ARSB: variants seen among roughly 807,000 people sequenced by gnomAD.
ARSB encodes N-acetylgalactosamine-4-sulfatase.
ARSB carries 41 observed loss-of-function variants against 50.9 expected under a neutral mutation model. The ratio of observed to expected loss-of-function variants is 0.81; its 90% CI spans 0.63 to 1.04. The LOEUF (loss-of-function observed/expected upper bound fraction) is 1.04, where lower values mean the gene tolerates loss of function less well. Among genes scored for constraint, ARSB ranks in the 50% least tolerant of loss-of-function variants. The pLI, the probability that ARSB is intolerant of heterozygous loss-of-function variation, is 0.00. For synonymous variants in ARSB, 269 were observed against 284.8 expected (o/e 0.94, Z 0.56); for missense variants, 672 against 693.3 (o/e 0.97, Z 0.35).
At chr5:78,950,193 C>A (rs1395031139) in intron 4 of ARSB, among the ~76,000 whole-genome samples, 2 of 152,140 alleles carry the variant, frequency 1.3e-5, no homozygotes, top group Non-Finnish European at 2.9e-5. Context: ...TTCTCTGGAC[C>A]ACTACCCTGC....
intron 1 of ARSB, among the ~76,000 whole-genome samples, chr5:78,973,843 T>C (rs1298337452): frequency 1.3e-5 from 2 of 152,176 alleles, no homozygotes. Context: ...GTCCAGTCAG[T>C]CTGGTCTGAG....
chr5:78,876,750 G>A (rs142394899), intron 5 of ARSB, among the ~76,000 whole-genome samples: 49 of 152,278 alleles, frequency 3.2e-4, no homozygotes, highest in African/African-American at 1.1e-3. Flanking sequence ...CCCCAACAAA[G>A]ACTGTGGACC....
intron 6 of ARSB, among the ~76,000 whole-genome samples, chr5:78,809,854 T>C (rs1181940362): frequency 6.6e-6 from 1 of 152,230 alleles, no homozygotes; most frequent in Non-Finnish European, 1.5e-5. Flanking sequence ...TACAGGCCCA[T>C]TGCTTTGGCC....
At chr5:78,900,866 G>A (rs13159135) in intron 4 of ARSB, among the ~76,000 whole-genome samples, 2 of 151,594 alleles carry the variant, frequency 1.3e-5, no homozygotes, top group Admixed American at 6.6e-5. Flanking sequence ...AGTGAAGCCC[G>A]TCTCTACTAA....
intron 4 of ARSB, among the ~76,000 whole-genome samples, chr5:78,902,427 T>C (rs1015244782): frequency 6.6e-6 from 1 of 152,198 alleles, no homozygotes; most frequent in Admixed American, 6.5e-5. Context: ...TAAAAATATA[T>C]GTCCACACAA....
rs1240175344 is a variant in ARSB at position 78,985,253 on chromosome 5, G to T, written c.-5C>A. 2.3e-6 allele frequency: 3 copies of T among 1,305,740 alleles called. No homozygotes were observed. The highest frequency in any genetic ancestry group is 4.2e-5 in the Admixed American group (1 of 23,884). 80.9% of individuals were successfully genotyped at this position (1,305,740 alleles called of 1,614,324 possible). On this transcript the variant is annotated 5_prime_UTR_variant, in exon 1 of 8. Coordinates refer to ENST00000264914, the MANE Select transcript of ARSB (RefSeq NM_000046.5). ...CGCCGCGCCGCGCGGACCCATCCTT[G>T]TCCGCCCGCGGTCCCAGCGCCTGTG... is the stretch of plus-strand genomic sequence containing the variant.
At chr5:78,841,168 C>CTAATAATAATAATAA (rs1554074343) in intron 5 of ARSB, among the ~76,000 whole-genome samples, 184 of 132,008 alleles carry the variant, frequency 1.4e-3, no homozygotes, top group African/African-American at 5.0e-3. Flanking sequence ...ACTACTACTA[C>CTAATAATAATAATAA]TAATAATAAT....
At chr5:78,970,505 G>A (rs189395331) in intron 1 of ARSB, among the ~76,000 whole-genome samples, 28 of 151,990 alleles carry the variant, frequency 1.8e-4, no homozygotes, top group African/African-American at 6.3e-4. Flanking sequence ...TGCTCCCTGG[G>A]GTCCTCAATA....
chr5:78,784,735 C>A (rs533800308), intron 6 of ARSB, among the ~76,000 whole-genome samples: 88 of 151,132 alleles, frequency 5.8e-4, no homozygotes, highest in African/African-American at 1.6e-3. Context: ...CTGATATTGG[C>A]AATTCATGCT....
Position 78,985,185 on chromosome 5 carries a change from CG to C in ARSB, c.63del (p.Val22SerfsTer34). On this transcript the variant is annotated frameshift_variant, in exon 1 of 8. Transcript: ENST00000264914. LOFTEE classifies it high-confidence loss of function. ...AGCAGCAGCAGCAGCGGGAGGACGA[CG>C]GGGAGGAGCAGCCGCCGAGGTCCGG... ...RGPGPRRLLL[P>X]VVLPLLLLLL... The C allele has an allele frequency of 7.1e-7, 1 of 1,411,100 alleles. No homozygotes were observed. Among genetic ancestry groups the C allele is most frequent in the Non-Finnish European group, 9.2e-7 (1 of 1,083,672 alleles). The allele number at this position is 1,411,100 out of a possible 1,614,324, so 87.4% of individuals were successfully genotyped here.
At chr5:78,941,031 A>C (rs907027107) in intron 4 of ARSB, among the ~76,000 whole-genome samples, 13 of 150,056 alleles carry the variant, frequency 8.7e-5, no homozygotes, top group African/African-American at 3.2e-4. Flanking sequence ...TAGGTATTTT[A>C]TTCTCTTTGA....
Position 78,944,112 on chromosome 5 carries a change from G to A in ARSB, c.898+11183C>T, listed in dbSNP as rs891463368. On this transcript the variant is annotated intron_variant, in intron 4 of 7. Transcript: ENST00000264914. ...GCATTCGTCACGTAGTTCTCGTGCCGTGGTTTTCAGCTCCATCAGGTCCTT... is the reference window on the plus strand; with the variant it reads ...GCATTCGTCACGTAGTTCTCGTGCCATGGTTTTCAGCTCCATCAGGTCCTT... 1.5e-4 allele frequency among the ~76,000 whole-genome samples: 23 copies of A among 152,300 alleles called. 1 individual carries two copies. Among genetic ancestry groups the A allele is most frequent in the South Asian group, 1.4e-3 (7 of 4,832 alleles).
chr5:78,887,668 C>T (rs1472027730), intron 4 of ARSB, among the ~76,000 whole-genome samples: 1 of 152,160 alleles, frequency 6.6e-6, no homozygotes, highest in African/African-American at 2.4e-5. Context: ...GTATTATAAC[C>T]ATTTTGTCAC....
rs571945014 is a variant in ARSB, at chr5:78,848,841, C to A, written c.1143-9415G>T. On this transcript the variant is annotated intron_variant, in intron 5 of 7. Transcript: ENST00000264914. ...GCCAGTAATGATGAGCATTTTTTCA[C>A]GTGTCTTTTGGCTGCATAAATGTCT... 1.8e-4 allele frequency among the ~76,000 whole-genome samples: 28 copies of A among 152,188 alleles called. No homozygotes were observed. The East Asian group carries it at 5.4e-3, about 29-fold the overall frequency.
chr5:78,868,497 G>T (rs887222221), intron 5 of ARSB, among the ~76,000 whole-genome samples: 1 of 124,284 alleles, frequency 8.0e-6, no homozygotes, highest in Non-Finnish European at 1.7e-5. Context: ...AGGAGAGTGG[G>T]GGCCAATATT....
rs367872827 is a variant in ARSB at position 78,955,538 on chromosome 5, T to A, written c.691-36A>T. ...AGTTTGTGCAAACCAGTTAAGAGGA[T>A]ATTGAAGCATTAAATATAGAAGGAT... is the stretch of plus-strand genomic sequence containing the variant. On this transcript the variant is annotated intron_variant, in intron 3 of 7. Coordinates refer to ENST00000264914, the MANE Select transcript of ARSB (RefSeq NM_000046.5). 5 of 1,531,768 alleles carry A rather than the reference T, an allele frequency of 3.3e-6. No individual in the cohort carries two copies. The South Asian group carries it at 4.5e-5, about 14-fold the overall frequency. The allele number at this position is 1,531,768 out of a possible 1,614,324, so 94.9% of individuals were successfully genotyped here. A position where few individuals can be genotyped will look rare whatever the true frequency, so the allele number is the denominator to read the frequency against.
At chr5:78,859,452 G>T (rs1746318541) in intron 5 of ARSB, among the ~76,000 whole-genome samples, 1 of 152,052 alleles carries the variant, frequency 6.6e-6, no homozygotes, top group Non-Finnish European at 1.5e-5. Context: ...AAACTTCAGG[G>T]ACTAATATGC....
chr5:78,854,094 C>G (rs1489039870), intron 5 of ARSB, among the ~76,000 whole-genome samples: 1 of 152,256 alleles, frequency 6.6e-6, no homozygotes, highest in African/African-American at 2.4e-5. Flanking sequence ...CTTGCACTCC[C>G]TAGTGAGATG....
chr5:78,838,407 G>A (rs4447961), intron 6 of ARSB, among the ~76,000 whole-genome samples: 21,213 of 152,262 alleles, frequency 0.14, 1,544 homozygotes, highest in Middle Eastern at 0.2. Flanking sequence ...GAGTGAGGCT[G>A]GCCGGGCAAG....
Sources: gnomAD v4.1 joint callset for allele counts (sites outside exome capture counted in the v4.1 genomes callset) on GRCh38, gnomAD v4.1.1 for gene constraint, MANE v1.5 for transcripts, NCBI Gene and HGNC (gene_info 2026-07-23, HGNC 2026-07-21) for gene names.